The following SERGEF variants were observed in gnomAD, a reference collection of about 807,000 sequenced individuals.
SERGEF encodes secretion-regulating guanine nucleotide exchange factor.
In SERGEF, 51 loss-of-function variants were observed where a neutral mutation model predicts 50.0. That is an observed-to-expected ratio of 1.02 (90% CI 0.81 to 1.29). SERGEF has a LOEUF of 1.29. SERGEF is among the 50% of genes most tolerant of loss of function. SERGEF has a pLI of 0.00. For missense variants in SERGEF, 521 were observed against 557.0 expected, an observed-to-expected ratio of 0.94 and a Z score of 0.65; for synonymous variants, 205 against 212.4, an observed-to-expected ratio of 0.97 and a Z score of 0.30.
chr11:17,965,473 T>C (rs895126204), intron 8 of SERGEF, among the ~76,000 whole-genome samples: 3 of 152,172 alleles, frequency 2.0e-5, no homozygotes, highest in Admixed American at 2.0e-4. Flanking sequence ...CCCATTCACC[T>C]AGTCAACTCC....
intron 8 of SERGEF, among the ~76,000 whole-genome samples, chr11:17,971,972 G>C (rs1405373356): frequency 6.6e-6 from 1 of 152,210 alleles, no homozygotes; most frequent in East Asian, 1.9e-4. Flanking sequence ...GGCTTCAGTG[G>C]AAGAAGTAAC....
At chr11:17,825,906 C>G (rs1040210660) in intron 10 of SERGEF, among the ~76,000 whole-genome samples, 1 of 152,176 alleles carries the variant, frequency 6.6e-6, no homozygotes. Context: ...TCACAACAGG[C>G]AGCATCTTAT....
In SERGEF at chr11:17,886,094, T is replaced by C. The variant is rs143847074; in HGVS notation, c.1012-7850A>G. The stretch of plus-strand genomic sequence containing the variant: ...CCCCCACTTCCTAGCCATGTGACTT[T>C]GGGTAAATCTCTTTGCCTCCCTCTG... On this transcript the variant is annotated intron_variant, in intron 9 of 10. Coordinates refer to ENST00000265965, the MANE Select transcript of SERGEF (RefSeq NM_012139.4). Among the ~76,000 whole-genome samples, 184 of 152,148 alleles carry C rather than the reference T, an allele frequency of 1.2e-3. 1 individual carries two copies. The highest frequency in any genetic ancestry group is 4.2e-3 in the African/African-American group (176 of 41,514).
At chr11:18,003,013 A>G (rs1198735797) in intron 4 of SERGEF, among the ~76,000 whole-genome samples, 2 of 152,206 alleles carry the variant, frequency 1.3e-5, no homozygotes, top group Non-Finnish European at 2.9e-5. Context: ...GGTGCTTACA[A>G]GGCCATCTAT....
chr11:17,985,573 G>T (rs1299555795), intron 8 of SERGEF, among the ~76,000 whole-genome samples: 1 of 152,176 alleles, frequency 6.6e-6, no homozygotes, highest in Admixed American at 6.5e-5. Context: ...GCTTGGGAAA[G>T]GTTTCTAGAA....
chr11:17,897,069 T>G (rs1212422781), intron 9 of SERGEF, among the ~76,000 whole-genome samples: 1 of 152,212 alleles, frequency 6.6e-6, no homozygotes, highest in African/African-American at 2.4e-5. Context: ...GCTGAGAGTT[T>G]TCTCTGGCTG....
intron 9 of SERGEF, among the ~76,000 whole-genome samples, chr11:17,957,775 T>C (rs1174516446): frequency 3.3e-5 from 5 of 149,254 alleles, no homozygotes; most frequent in African/African-American, 1.2e-4. Flanking sequence ...ATGTCTAATA[T>C]CCAAAGAATG....
chr11:17,817,707 A>G (rs1445126285), intron 10 of SERGEF, among the ~76,000 whole-genome samples: 2 of 152,140 alleles, frequency 1.3e-5, no homozygotes, highest in South Asian at 2.1e-4. Context: ...CCAAATAACA[A>G]CTCTGCAAGG....
At chr11:17,844,147 C>T (rs1310853395) in intron 10 of SERGEF, among the ~76,000 whole-genome samples, 2 of 152,128 alleles carry the variant, frequency 1.3e-5, no homozygotes, top group African/African-American at 4.8e-5. Flanking sequence ...GTGACTAGCT[C>T]AAGGACACAC....
chr11:17,881,060 C>T lies in SERGEF; in HGVS notation c.1012-2816G>A, dbSNP rs144513697. 1.6e-3 allele frequency among the ~76,000 whole-genome samples: 240 copies of T among 152,316 alleles called. 4 individuals carry two copies. Among genetic ancestry groups the T allele is most frequent in the South Asian group, 5.8e-3 (28 of 4,810 alleles). On this transcript the variant is annotated intron_variant, in intron 9 of 10. Transcript: ENST00000265965. ...TTTGCTTATTTGAGACATAAGGAGA[C>T]TGAGGCTCATACATATTAAATAACC...
chr11:17,942,093 C>CTT (rs3993325), intron 9 of SERGEF, among the ~76,000 whole-genome samples: 6,553 of 152,158 alleles, frequency 0.043, 511 homozygotes, highest in African/African-American at 0.15. Flanking sequence ...TAGTCACAGC[C>CTT]TTTTATGTTT....
chr11:17,926,985 T>A (rs994554539), intron 9 of SERGEF: 23 of 379,798 alleles, frequency 6.1e-5, no homozygotes, highest in Middle Eastern at 6.2e-4. Context: ...CCATCGCCTG[T>A]CACCATGTTC....
intron 9 of SERGEF, among the ~76,000 whole-genome samples, chr11:17,890,580 T>C (rs1180413132): frequency 6.6e-6 from 1 of 151,952 alleles, no homozygotes; most frequent in Non-Finnish European, 1.5e-5. Flanking sequence ...AGACCTGAGA[T>C]TGATGGACTG....
intron 8 of SERGEF, among the ~76,000 whole-genome samples, chr11:17,968,510 TG>T (rs1853177178): frequency 6.6e-6 from 1 of 152,210 alleles, no homozygotes; most frequent in East Asian, 1.9e-4. Flanking sequence ...GAGACCAACC[TG>T]GGCAACACAG....
intron 9 of SERGEF, among the ~76,000 whole-genome samples, chr11:17,891,720 CAGA>C (rs1404982749): frequency 6.6e-6 from 1 of 152,150 alleles, no homozygotes; most frequent in African/African-American, 2.4e-5. Context: ...GTCTAATATG[CAGA>C]AGAACCTTTT....
Position 17,788,270 on chromosome 11 carries a change from C to T in SERGEF, c.1192G>A (p.Ala398Thr), listed in dbSNP as rs115399445. Residue 398 changes from alanine (A) to threonine (T), a missense_variant, in exon 11 of 11, where the codon GCC becomes ACC. Transcript: ENST00000265965. ...LVGCGAGHSL[A>T]LCQLPAHPAL... ...GGGTGAGCTGGCAGCTGGCAGAGGG[C>T]CAAGGAGTGGCCAGCCCCACAGCCC... is the stretch of plus-strand genomic sequence containing the variant. 39 of 1,614,018 alleles carry T rather than the reference C, an allele frequency of 2.4e-5. No homozygotes were observed. The highest frequency in any genetic ancestry group is 3.2e-5 in the Non-Finnish European group (38 of 1,180,010).
At chr11:17,880,260 T>C (rs1851312283) in intron 9 of SERGEF, among the ~76,000 whole-genome samples, 1 of 152,222 alleles carries the variant, frequency 6.6e-6, no homozygotes, top group African/African-American at 2.4e-5. Flanking sequence ...GGGCTCCCAC[T>C]ATGCCTCACT....
At chr11:17,891,370 AT>A (rs1156356169) in intron 9 of SERGEF, among the ~76,000 whole-genome samples, 2 of 152,318 alleles carry the variant, frequency 1.3e-5, no homozygotes, top group African/African-American at 4.8e-5. Context: ...CCTGGGCTGC[AT>A]TACATTTTTG....
chr11:17,898,233 A>G (rs1402153719), intron 9 of SERGEF, among the ~76,000 whole-genome samples: 3 of 152,260 alleles, frequency 2.0e-5, no homozygotes, highest in Non-Finnish European at 4.4e-5. Context: ...TAGCAGCTCT[A>G]AAGTGAAGCT....
Sources: gnomAD v4.1 joint callset for allele counts (sites outside exome capture counted in the v4.1 genomes callset) on GRCh38, gnomAD v4.1.1 for gene constraint, MANE v1.5 for transcripts, NCBI Gene and HGNC (gene_info 2026-07-23, HGNC 2026-07-21) for gene names.